The following TP53I11 variants were observed in gnomAD, a reference collection of about 807,000 sequenced individuals.
TP53I11 encodes tumor protein p53 inducible protein 11.
Under a neutral mutation model 23.3 loss-of-function variants are expected in TP53I11, and 9 were observed. The observed-to-expected ratio is 0.39, with a 90% CI of 0.23 to 0.67. The LOEUF (loss-of-function observed/expected upper bound fraction) is 0.67. Ranked by LOEUF, TP53I11 falls within the 30% of genes least tolerant of loss-of-function variation. TP53I11 has a pLI of 0.48. For synonymous variants in TP53I11, 100 were observed against 106.1 expected, an observed-to-expected ratio of 0.94 and a Z score of 0.35; for missense variants, 170 against 255.2, an observed-to-expected ratio of 0.67 and a Z score of 2.27.
chr11:44,936,729 C>T lies in TP53I11; in HGVS notation c.334+74G>A, dbSNP rs766159017. 5.0e-6 allele frequency: 7 copies of T among 1,399,286 alleles called. No individual in the cohort carries two copies. Among genetic ancestry groups the T allele is most frequent in the South Asian group, 1.6e-5 (1 of 63,286 alleles). The allele number at this position is 1,399,286 out of a possible 1,614,324, so 86.7% of individuals were successfully genotyped here. ...GAAGGGGTGCCCGGGCACGGACCCC[C>T]GTGCTCTCCTCAGCCCCGCTGGGTC... On this transcript the variant is annotated intron_variant, in intron 5 of 6. Transcript: ENST00000525680. The surrounding 1 kb of genome is among the most constrained non-coding windows in gnomAD (Gnocchi z 4.4).
At chr11:44,943,955 C>T (rs1232008845) in intron 1 of TP53I11, among the ~76,000 whole-genome samples, 2 of 152,250 alleles carry the variant, frequency 1.3e-5, no homozygotes, top group Admixed American at 1.3e-4. Context: ...GGCTGTGCCC[C>T]AGGCCACATG....
At chr11:44,938,459 C>T in intron 1 of TP53I11, 93 bp from the exon 2 acceptor site, 1 of 1,390,254 alleles carries the variant, frequency 7.2e-7, no homozygotes, top group South Asian at 1.5e-5. Flanking sequence ...ACACCCCACA[C>T]CAGGCCTGCT....
In TP53I11 at chr11:44,934,588, T is replaced by G; in HGVS notation, c.*296A>C. ...CTCCAGCCTGACTTTAGTCAGTGTCTATTGAGGGGGTCTGGAGGCCAAGAG... is the reference window on the plus strand; with the variant it reads ...CTCCAGCCTGACTTTAGTCAGTGTCGATTGAGGGGGTCTGGAGGCCAAGAG... On this transcript the variant is annotated 3_prime_UTR_variant, in exon 7 of 7. Transcript: ENST00000525680. 1 of 371,148 alleles carries G rather than the reference T, an allele frequency of 2.7e-6. No individual in the cohort carries two copies. The highest frequency in any genetic ancestry group is 5.1e-6 in the Non-Finnish European group (1 of 195,592). The allele number at this position is 371,148 out of a possible 1,614,324, so 23.0% of individuals were successfully genotyped here. A position where few individuals can be genotyped will look rare whatever the true frequency, so the allele number is the denominator to read the frequency against.
chr11:44,936,521 C>T lies in TP53I11; in HGVS notation c.334+282G>A. On this transcript the variant is annotated intron_variant, in intron 5 of 6. Coordinates refer to ENST00000525680, the MANE Select transcript of TP53I11 (RefSeq NM_006034.5). The surrounding 1 kb of genome is among the most constrained non-coding windows in gnomAD (Gnocchi z 4.4). ...CTAGAGGCTGGGCCTGGGCTTCCTC[C>T]ATCTCTGTACCACAACGCCCAGAGG... The T allele has an allele frequency of 8.0e-7, 1 of 1,246,042 alleles. No homozygotes were observed. The highest frequency in any genetic ancestry group is 1.0e-6 in the Non-Finnish European group (1 of 995,722). The allele number at this position is 1,246,042 out of a possible 1,614,324, so 77.2% of individuals were successfully genotyped here.
In TP53I11 at chr11:44,934,819, G is replaced by A; in HGVS notation, c.*65C>T. On this transcript the variant is annotated 3_prime_UTR_variant, in exon 7 of 7. Transcript: ENST00000525680. The stretch of plus-strand genomic sequence containing the variant: ...ACCCTCCTGCCTTCCAGGAGCCAAA[G>A]GGAAGCCGAGGCCCCAGCGCCACTC... 6.2e-7 allele frequency: 1 copy of A among 1,602,016 alleles called. No homozygotes were observed. The highest frequency in any genetic ancestry group is 8.5e-7 in the Non-Finnish European group (1 of 1,173,384).
intron 1 of TP53I11, 85 bp downstream of exon 1, chr11:44,950,592 C>A (rs1425537842): frequency 6.6e-6 from 1 of 151,926 alleles, no homozygotes; most frequent in South Asian, 2.1e-4. Flanking sequence ...GCCGCAGGAG[C>A]CCCGCTGGGT....
intron 1 of TP53I11, among the ~76,000 whole-genome samples, chr11:44,939,852 G>T (rs901716674): frequency 1.3e-5 from 2 of 152,186 alleles, no homozygotes; most frequent in Non-Finnish European, 2.9e-5. Flanking sequence ...GAGTGGATAC[G>T]CCTTTCTCCT....
In TP53I11 at chr11:44,936,174, G is replaced by T; in HGVS notation, c.335-512C>A. The T allele has an allele frequency of 1.0e-6, 1 of 998,808 alleles. No individual in the cohort carries two copies. The highest frequency in any genetic ancestry group is 1.2e-6 in the Non-Finnish European group (1 of 835,660). The allele number at this position is 998,808 out of a possible 1,614,324, so 61.9% of individuals were successfully genotyped here. ...CAGAAGACCACTGACTTGGCCTCTA[G>T]CAGGCCCCGCCCACCCAGTGTCTGC... On this transcript the variant is annotated intron_variant, in intron 5 of 6. Transcript: ENST00000525680. This position sits in a 1 kb window ranked among gnomAD's most constrained non-coding sequence, Gnocchi z 4.4.
Position 44,936,538 on chromosome 11 carries a change from G to C in TP53I11, c.334+265C>G. ...GCTTCCTCCATCTCTGTACCACAAC[G>C]CCCAGAGGCAGTGCACACACTTATG... On this transcript the variant is annotated intron_variant, in intron 5 of 6. Coordinates refer to ENST00000525680, the MANE Select transcript of TP53I11 (RefSeq NM_006034.5). The surrounding 1 kb of genome is among the most constrained non-coding windows in gnomAD (Gnocchi z 4.4). 1 of 1,254,532 alleles carries C rather than the reference G, an allele frequency of 8.0e-7. No individual in the cohort carries two copies. Among genetic ancestry groups the C allele is most frequent in the Middle Eastern group, 3.1e-4 (1 of 3,278 alleles). 77.7% of individuals were successfully genotyped at this position (1,254,532 alleles called of 1,614,324 possible).
chr11:44,937,888 G>A (rs1482248099), intron 2 of TP53I11, among the ~76,000 whole-genome samples: 1 of 152,230 alleles, frequency 6.6e-6, no homozygotes, highest in Non-Finnish European at 1.5e-5. Context: ...CCACTTACCG[G>A]TGTGGCCTTG....
rs370234715 is a variant in TP53I11, at chr11:44,936,438, G to C, written c.334+365C>G. The C allele has an allele frequency of 2.4e-6, 3 of 1,232,666 alleles. No homozygotes were observed. The highest frequency in any genetic ancestry group is 4.2e-5 in the Admixed American group (1 of 23,932). 76.4% of individuals were successfully genotyped at this position (1,232,666 alleles called of 1,614,324 possible). On this transcript the variant is annotated intron_variant, in intron 5 of 6. Transcript: ENST00000525680. The surrounding 1 kb of genome is among the most constrained non-coding windows in gnomAD (Gnocchi z 4.4). ...GTGGCTCTGGGGATAAAATAGGGGG[G>C]GTGCGAGGGGTTTTGCAGACACTGA...
chr11:44,935,079 C>T, intron 6 of TP53I11, 62 bp from the exon 7 acceptor site: 4 of 1,601,608 alleles, frequency 2.5e-6, no homozygotes, highest in Non-Finnish European at 3.4e-6. Context: ...CAGCGCTGCC[C>T]CCCTAGCCCG....
In TP53I11 at chr11:44,935,006, T is replaced by C. The variant is rs1428315571; in HGVS notation, c.448A>G (p.Thr150Ala). 1.2e-6 allele frequency: 2 copies of C among 1,613,646 alleles called. No individual in the cohort carries two copies. The highest frequency in any genetic ancestry group is 3.3e-5 in the Admixed American group (2 of 60,010). ...GACATGAGGCCCGTCTCAGCTAGCG[T>C]GGCAGTGACCACTGTGGGAGAGAGT... is the stretch of plus-strand genomic sequence containing the variant. The part of the protein sequence containing the change: ...FGVQFLVVTA[T>A]LAETGLMSLG... The change falls in exon 7 of 7, where the codon ACG becomes GCG. Residue 150 changes from threonine (T) to alanine (A), a missense_variant. Thr to Ala is a moderately conservative substitution (Grantham distance 58, BLOSUM62 0). Transcript: ENST00000525680.
At position 44,936,786 on chromosome 11, in the gene TP53I11, G is replaced by T; in HGVS notation, c.334+17C>A. The T allele has an allele frequency of 6.5e-7, 1 of 1,537,804 alleles. No homozygotes were observed. Among genetic ancestry groups the T allele is most frequent in the Non-Finnish European group, 8.7e-7 (1 of 1,145,564 alleles). On this transcript the variant is annotated intron_variant, in intron 5 of 6. Coordinates refer to ENST00000525680, the MANE Select transcript of TP53I11 (RefSeq NM_006034.5). The surrounding 1 kb of genome is among the most constrained non-coding windows in gnomAD (Gnocchi z 4.4). ...CTGCCCGTCGCCTCCCCCAGGGCCC[G>T]CCCCAGCAGTACTCACTGAGGAGGG... is the stretch of plus-strand genomic sequence containing the variant.
rs1157777963 is a variant in TP53I11 at position 44,932,978 on chromosome 11, G to A, written c.*1906C>T. The A allele has an allele frequency of 6.6e-6, 1 of 152,314 alleles. No individual in the cohort carries two copies. The highest frequency in any genetic ancestry group is 1.5e-5 in the Non-Finnish European group (1 of 68,104). 9.4% of individuals were successfully genotyped at this position (152,314 alleles called of 1,614,324 possible). A position where few individuals can be genotyped will look rare whatever the true frequency, so the allele number is the denominator to read the frequency against. On this transcript the variant is annotated 3_prime_UTR_variant, in exon 7 of 7. Coordinates refer to ENST00000525680, the MANE Select transcript of TP53I11 (RefSeq NM_006034.5). ...AGGATTAGGCCTGGCTCAGATGGGG[G>A]ATTGAGGCTTCGGCCTGAGGGCACT... is the stretch of plus-strand genomic sequence containing the variant.
chr11:44,935,797 ATTCACAT>A, intron 5 of TP53I11, 135 bp from the exon 6 acceptor site: 1 of 641,438 alleles, frequency 1.6e-6, no homozygotes. Context: ...CTCCGCCCCT[ATTCACAT>A]TTCTCAAATC....
Position 44,943,273 on chromosome 11 carries a change from C to G in TP53I11, c.-31-4907G>C, listed in dbSNP as rs539498489. ...TTCCCTTTCTCCACTCAGCCGTGCA[C>G]AGTGGAAAAAGCCTGCCATCAGTGC... On this transcript the variant is annotated intron_variant, in intron 1 of 6. Coordinates refer to ENST00000525680, the MANE Select transcript of TP53I11 (RefSeq NM_006034.5). The G allele has an allele frequency of 5.2e-5, 8 of 152,388 alleles. No individual in the cohort carries two copies. In the East Asian group the frequency reaches 1.4e-3, roughly 26 times the overall value. The allele number at this position is 152,388 out of a possible 1,614,324, so 9.4% of individuals were successfully genotyped here. A position where few individuals can be genotyped will look rare whatever the true frequency, so the allele number is the denominator to read the frequency against.
At chr11:44,941,975 T>TACACAC (rs3051420) in intron 1 of TP53I11, among the ~76,000 whole-genome samples, 1 of 98,596 alleles carries the variant, frequency 1.0e-5, no homozygotes, top group Non-Finnish European at 2.2e-5. Flanking sequence ...GCACACACAG[T>TACACAC]ACACACACAC....
chr11:44,940,664 A>G (rs1861659083), intron 1 of TP53I11: 1 of 152,184 alleles, frequency 6.6e-6, no homozygotes, highest in Non-Finnish European at 1.5e-5. Flanking sequence ...ACTGAAGGCC[A>G]TGTGGGTTGT....
Sources: gnomAD v4.1 joint callset for allele counts (sites outside exome capture counted in the v4.1 genomes callset) on GRCh38, gnomAD v4.1.1 for gene constraint, Gnocchi (gnomAD v3.1) non-coding constraint, MANE v1.5 for transcripts, NCBI Gene and HGNC (gene_info 2026-07-23, HGNC 2026-07-21) for gene names.